The following FAM168A variants were observed in gnomAD, a reference collection of about 807,000 sequenced individuals.
The protein encoded by FAM168A is protein FAM168A.
A neutral mutation model predicts 28.5 loss-of-function variants in FAM168A; 3 were observed. That is an observed-to-expected ratio of 0.11 (90% CI 0.05 to 0.27). FAM168A has a LOEUF of 0.27. Ranked by LOEUF, FAM168A falls within the 10% of genes least tolerant of loss-of-function variation. FAM168A has a pLI of 1.00. For missense variants in FAM168A, 222 were observed against 311.5 expected (o/e 0.71, Z 2.16); for synonymous variants, 122 against 124.2 (o/e 0.98, Z 0.12).
chr11:73,522,001 G>A (rs564367691), intron 1 of FAM168A, among the ~76,000 whole-genome samples: 147 of 152,158 alleles, frequency 9.7e-4, no homozygotes, highest in Non-Finnish European at 1.5e-3. Context: ...CCCTAGAAAA[G>A]AAGATATCCT....
chr11:73,460,695 G>T (rs936999856), intron 2 of FAM168A, among the ~76,000 whole-genome samples: 4 of 151,860 alleles, frequency 2.6e-5, no homozygotes, highest in African/African-American at 9.7e-5. Flanking sequence ...GTAGAGACGG[G>T]GTTTCACCAT....
At chr11:73,420,905 A>C (rs1273292690) in intron 3 of FAM168A, 1 of 152,646 alleles carries the variant, frequency 6.6e-6, no homozygotes, top group Non-Finnish European at 1.5e-5. Flanking sequence ...TGGTGTCCTG[A>C]GGGAAGGAGA....
chr11:73,530,813 T>C (rs762018361), intron 1 of FAM168A, among the ~76,000 whole-genome samples: 6 of 152,200 alleles, frequency 3.9e-5, no homozygotes, highest in Non-Finnish European at 5.9e-5. Context: ...ATGATCCTGG[T>C]CATAGAGTGC....
Position 73,517,546 on chromosome 11 carries a change from G to A in FAM168A, c.-18-49054C>T, listed in dbSNP as rs143248249. On this transcript the variant is annotated intron_variant, in intron 1 of 7. Transcript: ENST00000356467. ...AAGGGTACTGTTTCGGCGGGGGCGG[G>A]GGGTGGTTAATACATGACGTGGTGG... Among the ~76,000 whole-genome samples the A allele has an allele frequency of 2.3e-4, 35 of 152,134 alleles. No homozygotes were observed. The East Asian group carries it at 6.4e-3, about 28-fold the overall frequency.
At chr11:73,416,427 T>C (rs1334526510) in intron 4 of FAM168A, among the ~76,000 whole-genome samples, 3 of 152,236 alleles carry the variant, frequency 2.0e-5, no homozygotes, top group African/African-American at 7.2e-5. Flanking sequence ...TAAAGCTCTA[T>C]GTCTGAATCT....
intron 1 of FAM168A, among the ~76,000 whole-genome samples, chr11:73,493,775 A>T (rs1323351568): frequency 2.0e-5 from 3 of 152,172 alleles, no homozygotes; most frequent in Non-Finnish European, 2.9e-5. Flanking sequence ...CCCAGAGTTT[A>T]AAAAAAGACC....
chr11:73,447,802 A>G (rs1199467198), intron 2 of FAM168A, among the ~76,000 whole-genome samples: 2 of 151,850 alleles, frequency 1.3e-5, no homozygotes, highest in Non-Finnish European at 2.9e-5. Flanking sequence ...TAGACCCATC[A>G]GCTAACTACC....
At chr11:73,596,343 C>G (rs1399974445) in intron 1 of FAM168A, among the ~76,000 whole-genome samples, 1 of 152,156 alleles carries the variant, frequency 6.6e-6, no homozygotes, top group Non-Finnish European at 1.5e-5. Context: ...CCATTACATT[C>G]CAGTTTATCT....
intron 1 of FAM168A, among the ~76,000 whole-genome samples, chr11:73,580,694 A>G (rs1565307148): frequency 6.6e-6 from 1 of 152,222 alleles, no homozygotes; most frequent in Non-Finnish European, 1.5e-5. Context: ...TGTCACTAAT[A>G]AAATGTCTCC....
intron 1 of FAM168A, among the ~76,000 whole-genome samples, chr11:73,582,541 T>C (rs1046253361): frequency 1.1e-4 from 16 of 152,154 alleles, no homozygotes; most frequent in Admixed American, 4.6e-4. Flanking sequence ...AATGGCTTAA[T>C]AGGGTAATTA....
chr11:73,455,814 A>G (rs1270962047), intron 2 of FAM168A, among the ~76,000 whole-genome samples: 1 of 152,226 alleles, frequency 6.6e-6, no homozygotes, highest in African/African-American at 2.4e-5. Flanking sequence ...AGGCAGGAGC[A>G]GATCTCTACT....
At chr11:73,583,170 G>A (rs2134737810) in intron 1 of FAM168A, among the ~76,000 whole-genome samples, 1 of 152,286 alleles carries the variant, frequency 6.6e-6, no homozygotes, top group African/African-American at 2.4e-5. Context: ...GGGCATGGTG[G>A]TGCATACCTG....
chr11:73,544,639 GAAAA>G (rs945152003), intron 1 of FAM168A, among the ~76,000 whole-genome samples: 1 of 136,444 alleles, frequency 7.3e-6, no homozygotes, highest in East Asian at 2.1e-4. Context: ...AATGAACCTT[GAAAA>G]AATATATACA....
intron 1 of FAM168A, among the ~76,000 whole-genome samples, chr11:73,508,722 G>A (rs1337117470): frequency 1.3e-5 from 2 of 152,106 alleles, no homozygotes; most frequent in Non-Finnish European, 2.9e-5. Flanking sequence ...AGTTCTCTCA[G>A]TCTGTGACCT....
chr11:73,459,301 C>G (rs566396676), intron 2 of FAM168A, among the ~76,000 whole-genome samples: 1 of 151,972 alleles, frequency 6.6e-6, no homozygotes, highest in African/African-American at 2.4e-5. Context: ...CTGGCTAACA[C>G]AGTGAAACCC....
chr11:73,424,505 C>T (rs767886356), intron 3 of FAM168A, among the ~76,000 whole-genome samples: 1 of 151,954 alleles, frequency 6.6e-6, no homozygotes, highest in African/African-American at 2.4e-5. Context: ...CCCCCCCCAC[C>T]TCTCACCATC....
chr11:73,442,822 TTTTCTTTC>T (rs747153143), intron 2 of FAM168A, among the ~76,000 whole-genome samples: 5 of 145,572 alleles, frequency 3.4e-5, no homozygotes, highest in South Asian at 4.3e-4. Context: ...CTTCTATTTC[TTTTCTTTC>T]TTTCTTTCTT....
chr11:73,584,632 C>T (rs1290252036), intron 1 of FAM168A, among the ~76,000 whole-genome samples: 1 of 152,016 alleles, frequency 6.6e-6, no homozygotes, highest in Non-Finnish European at 1.5e-5. Context: ...CGCCACCATG[C>T]CCGGCTAATT....
At chr11:73,510,044 T>G (rs1229071367) in intron 1 of FAM168A, among the ~76,000 whole-genome samples, 2 of 152,132 alleles carry the variant, frequency 1.3e-5, no homozygotes, top group African/African-American at 4.8e-5. Context: ...CAGCTAACAC[T>G]CACTGCCTCC....
Sources: gnomAD v4.1 joint callset for allele counts (sites outside exome capture counted in the v4.1 genomes callset) on GRCh38, gnomAD v4.1.1 for gene constraint, MANE v1.5 for transcripts, NCBI Gene and HGNC (gene_info 2026-07-23, HGNC 2026-07-21) for gene names.